ANKH: variants seen among roughly 807,000 people sequenced by gnomAD.
The protein encoded by ANKH is mineralization regulator ANKH.
In ANKH, 15 loss-of-function variants were observed where a neutral mutation model predicts 49.0. The observed-to-expected ratio is 0.31, with a 90% CI of 0.20 to 0.47. The LOEUF is 0.47. Among genes scored for constraint, ANKH ranks in the 20% least tolerant of loss-of-function variants. ANKH has a pLI of 1.00. For missense variants in ANKH, 429 were observed against 652.0 expected (o/e 0.66, Z 3.72); for synonymous variants, 273 against 260.0 (o/e 1.05, Z -0.48).
intron 1 of ANKH, among the ~76,000 whole-genome samples, chr5:14,785,659 T>C (rs1166750143): frequency 6.6e-6 from 1 of 152,236 alleles, no homozygotes; most frequent in Non-Finnish European, 1.5e-5. Context: ...ATTGAAACTG[T>C]TATTTTAAAA....
Position 14,770,587 on chromosome 5 carries a change from ACTC to A in ANKH, c.97-1399_97-1397del, listed in dbSNP as rs1409777637. 2.6e-5 allele frequency among the ~76,000 whole-genome samples: 4 copies of A among 152,288 alleles called. 1 individual carries two copies. The highest frequency in any genetic ancestry group is 9.6e-5 in the African/African-American group (4 of 41,550). ...TCTTTCTCTCAAAATATCTTACTGT[ACTC>A]CTTGTGATGAGGAAGAGATGAAGCA... On this transcript the variant is annotated intron_variant, in intron 1 of 11. Transcript: ENST00000284268. This position sits in a 1 kb window ranked among gnomAD's most constrained non-coding sequence, Gnocchi z 4.1.
In ANKH at chr5:14,802,751, G is replaced by A. The variant is rs569550590; in HGVS notation, c.97-33560C>T. On this transcript the variant is annotated intron_variant, in intron 1 of 11. Coordinates refer to ENST00000284268, the MANE Select transcript of ANKH (RefSeq NM_054027.6). ...CCCTGGCTGCTCCTACACATCCCTC[G>A]TCTCAATGTCAGCTCCTCTGAAGCC... is the stretch of plus-strand genomic sequence containing the variant. Among the ~76,000 whole-genome samples, 13 of 151,714 alleles carry A rather than the reference G, an allele frequency of 8.6e-5. No homozygotes were observed. The South Asian group carries it at 1.0e-3, about 12-fold the overall frequency.
chr5:14,829,084 T>G (rs1741429419), intron 1 of ANKH, among the ~76,000 whole-genome samples: 1 of 149,282 alleles, frequency 6.7e-6, no homozygotes, highest in African/African-American at 2.5e-5. Flanking sequence ...CTCGGGAGGC[T>G]GAGGCAGTAG....
At chr5:14,864,379 A>G (rs1194326236) in intron 1 of ANKH, among the ~76,000 whole-genome samples, 1 of 152,220 alleles carries the variant, frequency 6.6e-6, no homozygotes. Flanking sequence ...AAACGAGTAA[A>G]CAAACCAACC....
intron 1 of ANKH, among the ~76,000 whole-genome samples, chr5:14,813,757 C>T (rs1740953707): frequency 6.6e-6 from 1 of 152,224 alleles, no homozygotes; most frequent in African/African-American, 2.4e-5. Context: ...CTTGCCATTG[C>T]TCCAGCATCA....
chr5:14,729,508 TAATTGAGGA>T (rs1580011405), intron 8 of ANKH, among the ~76,000 whole-genome samples: 3 of 151,608 alleles, frequency 2.0e-5, no homozygotes, highest in East Asian at 3.9e-4. Context: ...AAAAGTCTTC[TAATTGAGGA>T]AATTGAGGAC....
At chr5:14,853,473 T>G (rs1580118662) in intron 1 of ANKH, among the ~76,000 whole-genome samples, 1 of 151,972 alleles carries the variant, frequency 6.6e-6, no homozygotes, top group Admixed American at 6.6e-5. Flanking sequence ...GCTACTCGGG[T>G]GGCTGAGGTG....
chr5:14,840,941 A>G (rs928780145), intron 1 of ANKH, among the ~76,000 whole-genome samples: 1 of 152,238 alleles, frequency 6.6e-6, no homozygotes, highest in Non-Finnish European at 1.5e-5. Flanking sequence ...CTGCTTTACT[A>G]TACTATGCCA....
At chr5:14,817,301 A>C (rs576686953) in intron 1 of ANKH, among the ~76,000 whole-genome samples, 4 of 152,346 alleles carry the variant, frequency 2.6e-5, no homozygotes, top group African/African-American at 9.6e-5. Context: ...TGTGACGCTA[A>C]AACGCCAGGA....
rs1737091299 is a variant in ANKH, at chr5:14,709,808, A to G, written c.*1389T>C. ...TGCAGGTATGTTGAGCACACAAGCA[A>G]TCACCGTATTGTATTAGAGACATTT... On this transcript the variant is annotated 3_prime_UTR_variant, in exon 12 of 12. Coordinates refer to ENST00000284268, the MANE Select transcript of ANKH (RefSeq NM_054027.6). 1 of 152,696 alleles carries G rather than the reference A, an allele frequency of 6.5e-6. No individual in the cohort carries two copies. The highest frequency in any genetic ancestry group is 6.5e-5 in the Admixed American group (1 of 15,290). 9.5% of individuals were successfully genotyped at this position (152,696 alleles called of 1,614,324 possible).
chr5:14,840,992 G>A (rs1454389248), intron 1 of ANKH, among the ~76,000 whole-genome samples: 5 of 152,142 alleles, frequency 3.3e-5, no homozygotes, highest in Admixed American at 6.6e-5. Flanking sequence ...CCTTAATCAT[G>A]GTCTTTTCTC....
chr5:14,848,404 T>C (rs1339719237), intron 1 of ANKH, among the ~76,000 whole-genome samples: 1 of 96,730 alleles, frequency 1.0e-5, no homozygotes, highest in South Asian at 3.9e-4. Flanking sequence ...GAGCTGGCAG[T>C]GGCAATCCTC....
chr5:14,846,644 T>C (rs1741967957), intron 1 of ANKH, among the ~76,000 whole-genome samples: 6 of 152,224 alleles, frequency 3.9e-5, no homozygotes, highest in Middle Eastern at 6.8e-3. Flanking sequence ...CCCAACAAAA[T>C]TAATTTAGTA....
At chr5:14,773,395 C>T (rs949871932) in intron 1 of ANKH, among the ~76,000 whole-genome samples, 1 of 136,600 alleles carries the variant, frequency 7.3e-6, no homozygotes, top group Non-Finnish European at 1.5e-5. Flanking sequence ...AACACACCAG[C>T]CTGGGCTGAG....
At chr5:14,776,433 C>A (rs138601248) in intron 1 of ANKH, among the ~76,000 whole-genome samples, 4 of 152,110 alleles carry the variant, frequency 2.6e-5, no homozygotes, top group African/African-American at 9.7e-5. Context: ...GGGGACTGAA[C>A]AAGATCATCT....
At chr5:14,798,411 C>T (rs545554771) in intron 1 of ANKH, 712 of 1,552,498 alleles carry the variant, frequency 4.6e-4, no homozygotes, top group Non-Finnish European at 5.1e-4. Context: ...GGCGGGCAGG[C>T]GAGCCGGGGG....
At chr5:14,819,825 C>G (rs1412736349) in intron 1 of ANKH, among the ~76,000 whole-genome samples, 1 of 151,806 alleles carries the variant, frequency 6.6e-6, no homozygotes, top group Non-Finnish European at 1.5e-5. Context: ...GAGATGGCAC[C>G]ACTGCACTAC....
chr5:14,759,335 T>C (rs1469446827), intron 2 of ANKH, among the ~76,000 whole-genome samples: 1 of 152,126 alleles, frequency 6.6e-6, no homozygotes, highest in Non-Finnish European at 1.5e-5. Context: ...CAAATAGGAA[T>C]AGGGAAGAAG....
intron 8 of ANKH, among the ~76,000 whole-genome samples, chr5:14,723,438 G>A (rs1174715545): frequency 1.3e-5 from 2 of 151,946 alleles, no homozygotes; most frequent in African/African-American, 4.8e-5. Flanking sequence ...AAGGTGGGAG[G>A]ACTGCTTGAG....
Sources: gnomAD v4.1 joint callset for allele counts (sites outside exome capture counted in the v4.1 genomes callset) on GRCh38, gnomAD v4.1.1 for gene constraint, Gnocchi (gnomAD v3.1) non-coding constraint, MANE v1.5 for transcripts, NCBI Gene and HGNC (gene_info 2026-07-23, HGNC 2026-07-21) for gene names.